The following SLC22A23 variants were observed in gnomAD, a reference collection of about 807,000 sequenced individuals.
The protein encoded by SLC22A23 is ion transporter protein.
In SLC22A23, 26 loss-of-function variants were observed where a neutral mutation model predicts 61.0. The observed-to-expected ratio is 0.43, with a 90% CI of 0.31 to 0.59. The LOEUF is 0.59. Ranked by LOEUF, SLC22A23 falls within the 20% of genes least tolerant of loss-of-function variation. The probability of loss-of-function intolerance (pLI) is 0.11; values close to 1 mark genes in which losing one functional copy is unlikely to be tolerated. For missense variants in SLC22A23, 796 were observed against 934.7 expected, an observed-to-expected ratio of 0.85 and a Z score of 1.94; for synonymous variants, 430 against 413.9, an observed-to-expected ratio of 1.04 and a Z score of -0.47.
intron 3 of SLC22A23, among the ~76,000 whole-genome samples, chr6:3,378,639 T>C (rs986182410): frequency 6.9e-6 from 1 of 144,178 alleles, no homozygotes; most frequent in African/African-American, 2.7e-5. Context: ...GTCAGACTTT[T>C]TTTTTCTTTT....
At chr6:3,369,939 T>A (rs568284047) in intron 3 of SLC22A23, among the ~76,000 whole-genome samples, 1 of 152,290 alleles carries the variant, frequency 6.6e-6, no homozygotes, top group South Asian at 2.1e-4. Flanking sequence ...AGAGAAAAAA[T>A]AATAAACAAA....
intron 1 of SLC22A23, among the ~76,000 whole-genome samples, chr6:3,428,411 C>G (rs1770646365): frequency 6.6e-6 from 1 of 152,084 alleles, no homozygotes; most frequent in African/African-American, 2.4e-5. Context: ...TGGGGGAACT[C>G]CAGGGATGAA....
At chr6:3,401,111 G>T (rs1438809281) in intron 3 of SLC22A23, among the ~76,000 whole-genome samples, 7 of 152,274 alleles carry the variant, frequency 4.6e-5, no homozygotes, top group Admixed American at 3.9e-4. Context: ...GGAGGCCGAG[G>T]TGGGTGGATC....
intron 1 of SLC22A23, among the ~76,000 whole-genome samples, chr6:3,437,511 A>G (rs1240939752): frequency 6.6e-6 from 1 of 151,664 alleles, no homozygotes; most frequent in East Asian, 2.0e-4. Context: ...CCCCGTCTCT[A>G]CTAAAAACAA....
chr6:3,300,648 A>G (rs1761532527), intron 4 of SLC22A23, among the ~76,000 whole-genome samples: 1 of 152,264 alleles, frequency 6.6e-6, no homozygotes, highest in Non-Finnish European at 1.5e-5. Context: ...TTGTTGTAGC[A>G]GCAGGAACAG....
At chr6:3,285,282 T>C (rs1237983205) in intron 7 of SLC22A23, among the ~76,000 whole-genome samples, 171 bp from the exon 8 acceptor site, 1 of 152,264 alleles carries the variant, frequency 6.6e-6, no homozygotes, top group Non-Finnish European at 1.5e-5. Flanking sequence ...GTGGAATTCA[T>C]ACTGCGCTAA....
At chr6:3,415,887 G>A (rs1235230513) in intron 1 of SLC22A23, 32 bp from the exon 2 acceptor site, 1 of 1,465,706 alleles carries the variant, frequency 6.8e-7, no homozygotes, top group African/African-American at 1.4e-5. Flanking sequence ...ATAAATCAGA[G>A]AGAAACATAC....
chr6:3,298,740 A>T (rs1253716801), intron 4 of SLC22A23, among the ~76,000 whole-genome samples: 1 of 152,094 alleles, frequency 6.6e-6, no homozygotes, highest in Non-Finnish European at 1.5e-5. Flanking sequence ...TGGGAGGCCG[A>T]GGCGGGTGGA....
In SLC22A23 at chr6:3,414,721, CAAAAAAAAAA is replaced by C. The variant is rs60880355; in HGVS notation, c.758+1021_758+1030del. On this transcript the variant is annotated intron_variant, in intron 2 of 9. Transcript: ENST00000406686. The surrounding 1 kb of genome is among the most constrained non-coding windows in gnomAD (Gnocchi z 5.1). ...TCAAGGCCAAGATGTCTCGATTCAC[CAAAAAAAAAA>C]AAAAAAAAAAAAATCCTTTAAAGAT... 4.4e-4 allele frequency among the ~76,000 whole-genome samples: 39 copies of C among 89,512 alleles called. No homozygotes were observed. The highest frequency in any genetic ancestry group is 1.6e-3 in the Admixed American group (12 of 7,594). The allele number at this position is 89,512 out of a possible 152,430, so 58.7% of individuals were successfully genotyped here. A position where few individuals can be genotyped will look rare whatever the true frequency, so the allele number is the denominator to read the frequency against.
At chr6:3,377,138 T>C (rs1190641538) in intron 3 of SLC22A23, among the ~76,000 whole-genome samples, 4 of 152,186 alleles carry the variant, frequency 2.6e-5, no homozygotes, top group South Asian at 2.1e-4. Flanking sequence ...GTAACACCCA[T>C]TTGTTTACAT....
At chr6:3,290,964 G>A (rs1414168208) in intron 5 of SLC22A23, 1 of 152,342 alleles carries the variant, frequency 6.6e-6, no homozygotes, top group African/African-American at 2.4e-5. Context: ...AGGAGACTAG[G>A]GAGAGGGGAG....
At chr6:3,277,459 G>A (rs972028697) in intron 9 of SLC22A23, among the ~76,000 whole-genome samples, 1 of 151,878 alleles carries the variant, frequency 6.6e-6, no homozygotes, top group Non-Finnish European at 1.5e-5. Context: ...AACACGCATC[G>A]CCTCTAGAGC....
At chr6:3,359,610 A>G (rs1561923042) in intron 3 of SLC22A23, among the ~76,000 whole-genome samples, 1 of 152,236 alleles carries the variant, frequency 6.6e-6, no homozygotes, top group Non-Finnish European at 1.5e-5. Context: ...GGAATGTACA[A>G]CGGTGCAGCC....
In SLC22A23 at chr6:3,317,254, C is replaced by G. The variant is rs1484469319; in HGVS notation, c.1082+6580G>C. ...AGACCTGGACCTCCAAACACAAGAC[C>G]AGGCTGTGTCTTGCACAAGGGCTCC... On this transcript the variant is annotated intron_variant, in intron 4 of 9. Coordinates refer to ENST00000406686, the MANE Select transcript of SLC22A23 (RefSeq NM_015482.2). This position sits in a 1 kb window ranked among gnomAD's most constrained non-coding sequence, Gnocchi z 4.4. 6.6e-6 allele frequency among the ~76,000 whole-genome samples: 1 copy of G among 152,196 alleles called. No individual in the cohort carries two copies. Among genetic ancestry groups the G allele is most frequent in the African/African-American group, 2.4e-5 (1 of 41,450 alleles).
At chr6:3,423,952 T>G (rs1770312051) in intron 1 of SLC22A23, among the ~76,000 whole-genome samples, 1 of 152,164 alleles carries the variant, frequency 6.6e-6, no homozygotes, top group South Asian at 2.1e-4. Context: ...TGGAGAGAAC[T>G]TGGAGGGTGA....
At chr6:3,429,339 T>C (rs897340865) in intron 1 of SLC22A23, among the ~76,000 whole-genome samples, 3 of 152,182 alleles carry the variant, frequency 2.0e-5, no homozygotes, top group Non-Finnish European at 4.4e-5. Flanking sequence ...TGGACAAACA[T>C]TGAAAACTCT....
chr6:3,446,817 G>A (rs969997353), intron 1 of SLC22A23, among the ~76,000 whole-genome samples: 2 of 152,124 alleles, frequency 1.3e-5, no homozygotes, highest in African/African-American at 4.8e-5. Context: ...CCAGGCCCTC[G>A]TCTCACTCCA....
intron 1 of SLC22A23, among the ~76,000 whole-genome samples, chr6:3,437,888 C>T (rs1201786286): frequency 6.6e-6 from 1 of 151,524 alleles, no homozygotes; most frequent in Non-Finnish European, 1.5e-5. Flanking sequence ...GCTGGGACTA[C>T]AGGCATGTGC....
intron 1 of SLC22A23, among the ~76,000 whole-genome samples, chr6:3,446,025 CAG>C (rs1432862816): frequency 1.3e-5 from 2 of 152,178 alleles, no homozygotes; most frequent in African/African-American, 2.4e-5. Flanking sequence ...ACTAAGAAGA[CAG>C]AGAGTAGAGA....
Sources: gnomAD v4.1 joint callset for allele counts (sites outside exome capture counted in the v4.1 genomes callset) on GRCh38, gnomAD v4.1.1 for gene constraint, Gnocchi (gnomAD v3.1) non-coding constraint, MANE v1.5 for transcripts, NCBI Gene and HGNC (gene_info 2026-07-23, HGNC 2026-07-21) for gene names.